Variants in PUDP observed in about 807,000 individuals in gnomAD.
PUDP encodes pseudouridine 5'-phosphatase.
In PUDP, 8 loss-of-function variants were observed where a neutral mutation model predicts 9.4. That is an observed-to-expected ratio of 0.85 (90% confidence interval 0.50 to 1.53). The LOEUF (loss-of-function observed/expected upper bound fraction) is 1.53, where lower values mean the gene tolerates loss of function less well. Ranked by LOEUF, PUDP falls within the 40% of genes most tolerant of loss-of-function variation. PUDP has a pLI of 0.00. For synonymous variants in PUDP, 99 were observed against 80.7 expected, an observed-to-expected ratio of 1.23 and a Z score of -1.22; for missense variants, 188 against 189.7, an observed-to-expected ratio of 0.99 and a Z score of 0.05.
At chrX:6,930,176 C>G (rs1459667754) in intron 3 of PUDP, among the ~76,000 whole-genome samples, 1 of 110,556 alleles carries the variant, frequency 9.0e-6, no homozygotes, top group Non-Finnish European at 1.9e-5. Flanking sequence ...GTGTTTGAAC[C>G]AGAGTGACTC....
At chrX:6,869,029 A>G in intron 3 of PUDP, among the ~76,000 whole-genome samples, 1 of 112,087 alleles carries the variant, frequency 8.9e-6, no homozygotes, top group Admixed American at 9.5e-5. Context: ...GTTCAGGTTC[A>G]TGCTGGCATT....
intron 3 of PUDP, among the ~76,000 whole-genome samples, chrX:7,072,672 G>C (rs1930772903): frequency 9.1e-6 from 1 of 109,444 alleles, no homozygotes; most frequent in Non-Finnish European, 1.9e-5. Flanking sequence ...AAATTAGCCG[G>C]GCGTGGTGGC....
intron 3 of PUDP, among the ~76,000 whole-genome samples, chrX:6,747,056 T>C (rs1291712024): frequency 3.6e-5 from 4 of 111,780 alleles, no homozygotes; most frequent in Non-Finnish European, 7.5e-5. Context: ...TTCCTAATTT[T>C]CCACAACCTC....
intron 3 of PUDP, among the ~76,000 whole-genome samples, chrX:6,898,077 G>A (rs1204628037): frequency 8.9e-6 from 1 of 112,164 alleles, no homozygotes; most frequent in Non-Finnish European, 1.9e-5. Flanking sequence ...GGCACTTTGA[G>A]AAGACCCTGT....
intron 3 of PUDP, among the ~76,000 whole-genome samples, chrX:6,962,320 C>G (rs1409054288): frequency 8.9e-6 from 1 of 112,179 alleles, no homozygotes; most frequent in Non-Finnish European, 1.9e-5. Flanking sequence ...ATACTACACC[C>G]CGGTGTTTGA....
chrX:7,136,890 G>A (rs1476234252), intron 1 of PUDP, among the ~76,000 whole-genome samples: 1 of 111,189 alleles, frequency 9.0e-6, no homozygotes, highest in African/African-American at 3.3e-5. Flanking sequence ...TATCACTTTG[G>A]GTGAAGTAGA....
intron 3 of PUDP, among the ~76,000 whole-genome samples, chrX:6,909,885 T>G (rs749567343): frequency 8.9e-6 from 1 of 112,513 alleles, no homozygotes; most frequent in South Asian, 3.7e-4. Flanking sequence ...TAAGACTCTG[T>G]GGGGGAGATT....
At chrX:6,887,088 AAAT>A (rs1293467208) in intron 3 of PUDP, among the ~76,000 whole-genome samples, 1 of 103,811 alleles carries the variant, frequency 9.6e-6, no homozygotes, top group African/African-American at 3.4e-5. Context: ...TTTATATGAT[AAAT>A]TATATATAAT....
At chrX:7,096,736 T>A (rs1211779933) in intron 2 of PUDP, among the ~76,000 whole-genome samples, 1 of 111,053 alleles carries the variant, frequency 9.0e-6, no homozygotes, top group Non-Finnish European at 1.9e-5. Context: ...CGCCAGAAGC[T>A]GAGGTGAAAG....
intron 1 of PUDP, among the ~76,000 whole-genome samples, chrX:7,141,346 G>A (rs1367122029): frequency 4.4e-5 from 5 of 112,760 alleles, no homozygotes; most frequent in Non-Finnish European, 9.4e-5. Context: ...CAGCCTTATT[G>A]CTGACATAGA....
At chrX:7,102,533 A>G (rs1292699120) in intron 2 of PUDP, among the ~76,000 whole-genome samples, 1 of 110,949 alleles carries the variant, frequency 9.0e-6, no homozygotes. Context: ...CAACAAGGAT[A>G]CACACTCTTG....
intron 3 of PUDP, among the ~76,000 whole-genome samples, chrX:6,766,619 T>G (rs1423899494): frequency 9.0e-6 from 1 of 111,716 alleles, no homozygotes; most frequent in Non-Finnish European, 1.9e-5. Context: ...AAAATAGGAA[T>G]AGTACCATTT....
intron 3 of PUDP, among the ~76,000 whole-genome samples, chrX:6,755,511 C>T (rs926392068): frequency 4.5e-5 from 5 of 111,733 alleles, no homozygotes; most frequent in African/African-American, 9.7e-5. Context: ...AAGTGATTCC[C>T]GAATTTTTAA....
chrX:7,122,937 G>C lies in PUDP; in HGVS notation c.62-17099C>G, dbSNP rs760239604. Among the ~76,000 whole-genome samples, 36 of 111,588 alleles carry C rather than the reference G, an allele frequency of 3.2e-4. 1 individual carries two copies. Among genetic ancestry groups the C allele is most frequent in the Non-Finnish European group, 6.6e-4 (35 of 53,052 alleles). On this transcript the variant is annotated intron_variant, in intron 1 of 3. Transcript: ENST00000381077. ...GTTATAAAGTTTTACTTTATTTTTT[G>C]TTCTGGAAACTATCAAGCCAGATTT... is the stretch of plus-strand genomic sequence containing the variant.
chrX:6,843,804 C>T (rs1404184635), intron 3 of PUDP, among the ~76,000 whole-genome samples: 1 of 112,515 alleles, frequency 8.9e-6, no homozygotes, highest in Non-Finnish European at 1.9e-5. Context: ...TTCCTGCTCT[C>T]CTCTGAGTGA....
intron 3 of PUDP, among the ~76,000 whole-genome samples, chrX:6,747,402 A>C (rs1253609234): frequency 8.9e-6 from 1 of 112,090 alleles, no homozygotes; most frequent in Admixed American, 9.4e-5. Flanking sequence ...TCAATATTAA[A>C]AATTCTTTCA....
chrX:6,915,462 G>C (rs2146759994), intron 3 of PUDP, among the ~76,000 whole-genome samples: 1 of 111,815 alleles, frequency 8.9e-6, no homozygotes, highest in African/African-American at 3.2e-5. Context: ...AGAAAGGAGA[G>C]AAGGAGAAAC....
chrX:6,749,906 A>G (rs751219136), intron 3 of PUDP, among the ~76,000 whole-genome samples: 2 of 112,217 alleles, frequency 1.8e-5, no homozygotes, highest in East Asian at 5.6e-4. Flanking sequence ...CTTTCCTTCC[A>G]GCAATGATTT....
Position 7,012,589 on chromosome X carries a change from G to A in PUDP, c.205-34246C>T, listed in dbSNP as rs759264567. Among the ~76,000 whole-genome samples, 5 of 111,466 alleles carry A rather than the reference G, an allele frequency of 4.5e-5. No individual in the cohort carries two copies. The South Asian group carries it at 1.9e-3, about 42-fold the overall frequency. On this transcript the variant is annotated intron_variant and NMD_transcript_variant, in intron 1 of 3. Coordinates refer to the PUDP transcript ENST00000655425. Reference sequence around the variant, plus strand: ...GAAGGGATTAGATTAGGAAGAAAAGGGATCCTCTTGTTCTCTCACTGAGGG... The same window carrying A: ...GAAGGGATTAGATTAGGAAGAAAAGAGATCCTCTTGTTCTCTCACTGAGGG...
Sources: allele counts gnomAD v4.1 joint callset (sites outside exome capture counted in the v4.1 genomes callset), GRCh38; gene constraint gnomAD v4.1.1; transcripts MANE v1.5; gene names NCBI Gene and HGNC (gene_info 2026-07-23, HGNC 2026-07-21).